Variants in CLVS1 observed in about 807,000 individuals in gnomAD.
The protein encoded by CLVS1 is clavesin-1.
A neutral mutation model predicts 33.1 loss-of-function variants in CLVS1; 10 were observed. That is an observed-to-expected ratio of 0.30 (90% confidence interval 0.19 to 0.51). The LOEUF is 0.51. Ranked by LOEUF, CLVS1 falls within the 20% of genes least tolerant of loss-of-function variation. The probability of loss-of-function intolerance (pLI) is 0.97; values close to 1 mark genes in which losing one functional copy is unlikely to be tolerated. For missense variants in CLVS1, 343 were observed against 433.4 expected, an observed-to-expected ratio of 0.79 and a Z score of 1.85; for synonymous variants, 163 against 166.1, an observed-to-expected ratio of 0.98 and a Z score of 0.14.
chr8:61,500,987 A>T lies in CLVS1; in HGVS notation c.*1445A>T, dbSNP rs964731287. On this transcript the variant is annotated 3_prime_UTR_variant, in exon 6 of 6. Transcript: ENST00000325897. Reference sequence around the variant, plus strand: ...ATCTAATGTTTTAATTTTTTCCCCTATTGGTAGAGAACAATAACAGAAGTA... The same window carrying T: ...ATCTAATGTTTTAATTTTTTCCCCTTTTGGTAGAGAACAATAACAGAAGTA... The T allele has an allele frequency of 6.6e-6, 1 of 152,154 alleles. No individual in the cohort carries two copies. The highest frequency in any genetic ancestry group is 2.4e-5 in the African/African-American group (1 of 41,442). 9.4% of individuals were successfully genotyped at this position (152,154 alleles called of 1,614,324 possible). A position where few individuals can be genotyped will look rare whatever the true frequency, so the allele number is the denominator to read the frequency against.
At chr8:61,178,917 A>G (rs1470505545) in intron 2 of CLVS1, among the ~76,000 whole-genome samples, 3 of 152,156 alleles carry the variant, frequency 2.0e-5, no homozygotes, top group Non-Finnish European at 4.4e-5. Flanking sequence ...AACCAATGAC[A>G]CTATGAATAA....
chr8:61,235,277 C>T (rs1475904580), intron 2 of CLVS1, among the ~76,000 whole-genome samples: 1 of 152,148 alleles, frequency 6.6e-6, no homozygotes, highest in African/African-American at 2.4e-5. Flanking sequence ...AGAGAAAGTA[C>T]CCATGCCTGA....
intron 2 of CLVS1, among the ~76,000 whole-genome samples, chr8:61,355,869 A>G (rs1204101516): frequency 6.6e-6 from 1 of 152,240 alleles, no homozygotes; most frequent in Non-Finnish European, 1.5e-5. Flanking sequence ...TGCCGCAATA[A>G]ACATACGTGT....
chr8:61,192,038 T>C (rs188312122), intron 2 of CLVS1, among the ~76,000 whole-genome samples: 5,760 of 152,248 alleles, frequency 0.038, 149 homozygotes, highest in Non-Finnish European at 0.058. Flanking sequence ...TTAAAGTTCA[T>C]ATGGAACCAA....
intron 2 of CLVS1, among the ~76,000 whole-genome samples, chr8:61,327,984 T>C (rs1811446203): frequency 6.6e-6 from 1 of 152,214 alleles, no homozygotes; most frequent in African/African-American, 2.4e-5. Flanking sequence ...ACATAAATAA[T>C]AATATTTGTA....
At chr8:61,344,606 G>T (rs1158921041) in intron 2 of CLVS1, among the ~76,000 whole-genome samples, 1 of 152,178 alleles carries the variant, frequency 6.6e-6, no homozygotes, top group East Asian at 1.9e-4. Context: ...CTGGCATGTG[G>T]CTGTATAGAC....
At chr8:61,178,240 G>T (rs972550334) in intron 2 of CLVS1, among the ~76,000 whole-genome samples, 1 of 152,112 alleles carries the variant, frequency 6.6e-6, no homozygotes, top group African/African-American at 2.4e-5. Context: ...GTGGAAGAAA[G>T]AATATCAGAG....
intron 2 of CLVS1, among the ~76,000 whole-genome samples, chr8:61,239,895 C>T (rs1808655765): frequency 6.6e-6 from 1 of 152,100 alleles, no homozygotes; most frequent in African/African-American, 2.4e-5. Context: ...AAAATAAAGG[C>T]CGTGAGACTC....
intron 1 of CLVS1, among the ~76,000 whole-genome samples, chr8:61,069,638 T>C (rs922011724): frequency 2.6e-5 from 4 of 152,104 alleles, no homozygotes; most frequent in Non-Finnish European, 5.9e-5. Flanking sequence ...CACTTACTGT[T>C]CTCAGTTCTG....
intron 2 of CLVS1, among the ~76,000 whole-genome samples, chr8:61,232,160 A>G (rs1289874862): frequency 6.9e-6 from 1 of 144,126 alleles, no homozygotes; most frequent in African/African-American, 2.5e-5. Context: ...TCAGCCTCCC[A>G]CGTAGCTGGG....
intron 2 of CLVS1, among the ~76,000 whole-genome samples, chr8:61,181,056 A>G (rs577131753): frequency 1.3e-5 from 2 of 152,168 alleles, no homozygotes; most frequent in South Asian, 2.1e-4. Context: ...TTATCTCTGC[A>G]GATGACATGA....
intron 2 of CLVS1, among the ~76,000 whole-genome samples, chr8:61,214,423 C>CTCTCTCTCTCTCTCTCTCTCT (rs1808041825): frequency 6.6e-6 from 1 of 152,090 alleles, no homozygotes; most frequent in Non-Finnish European, 1.5e-5. Flanking sequence ...GTACTCTGTC[C>CTCTCTCTCTCTCTCTCTCTCT]CTTTATTTCT....
intron 2 of CLVS1, among the ~76,000 whole-genome samples, chr8:61,373,875 A>T (rs1235517466): frequency 6.6e-6 from 1 of 152,212 alleles, no homozygotes; most frequent in African/African-American, 2.4e-5. Flanking sequence ...ACTAGGTAGC[A>T]CTACTTCTAA....
chr8:61,148,829 A>ATG (rs757289433), intron 2 of CLVS1, among the ~76,000 whole-genome samples: 1 of 152,186 alleles, frequency 6.6e-6, no homozygotes, highest in African/African-American at 2.4e-5. Context: ...AAGAAGACTG[A>ATG]TGTGTGTGTG....
the CLVS1 span, among the ~76,000 whole-genome samples, chr8:61,022,349 G>C: frequency 6.6e-6 from 1 of 152,206 alleles, no homozygotes; most frequent in Non-Finnish European, 1.5e-5. Context: ...AGTTTAACGA[G>C]CAGCTTATGC....
chr8:61,254,364 G>A (rs887709352), intron 2 of CLVS1, among the ~76,000 whole-genome samples: 2 of 152,196 alleles, frequency 1.3e-5, no homozygotes, highest in Admixed American at 6.5e-5. Context: ...CTACTCAGGG[G>A]TCAGGGACCC....
At chr8:61,307,928 AG>A (rs149655521) in intron 2 of CLVS1, among the ~76,000 whole-genome samples, 2,255 of 152,232 alleles carry the variant, frequency 0.015, 59 homozygotes, top group African/African-American at 0.052. Flanking sequence ...TTTATAAGAG[AG>A]AACATGTAAT....
At chr8:61,428,122 G>A (rs568098438) in intron 3 of CLVS1, among the ~76,000 whole-genome samples, 1 of 152,372 alleles carries the variant, frequency 6.6e-6, no homozygotes, top group African/African-American at 2.4e-5. Flanking sequence ...GCATTTGCCA[G>A]TTTCAGAAGA....
intron 2 of CLVS1, among the ~76,000 whole-genome samples, chr8:61,280,262 T>A (rs1809643828): frequency 6.6e-6 from 1 of 152,220 alleles, no homozygotes; most frequent in Non-Finnish European, 1.5e-5. Flanking sequence ...TAAATGTTAT[T>A]AGAAGTTTAT....
Sources: gnomAD v4.1 joint callset for allele counts (sites outside exome capture counted in the v4.1 genomes callset) on GRCh38, gnomAD v4.1.1 for gene constraint, MANE v1.5 for transcripts, NCBI Gene and HGNC (gene_info 2026-07-23, HGNC 2026-07-21) for gene names.